The following MAU2 variants were observed in gnomAD, a reference collection of about 807,000 sequenced individuals.
MAU2 encodes MAU2 sister chromatid cohesion factor.
A neutral mutation model predicts 89.1 loss-of-function variants in MAU2; 9 were observed. The observed-to-expected ratio is 0.10, with a 90% CI of 0.06 to 0.18. The LOEUF is 0.18. Ranked by LOEUF, MAU2 falls within the 10% of genes least tolerant of loss-of-function variation. The probability of loss-of-function intolerance (pLI) is 1.00; values close to 1 mark genes in which losing one functional copy is unlikely to be tolerated. For missense variants in MAU2, 425 were observed against 803.5 expected, an observed-to-expected ratio of 0.53 and a Z score of 5.69; for synonymous variants, 357 against 343.4, an observed-to-expected ratio of 1.04 and a Z score of -0.44.
intron 1 of MAU2, among the ~76,000 whole-genome samples, chr19:19,332,569 G>A (rs1333637361): frequency 4.1e-5 from 6 of 145,236 alleles, no homozygotes; most frequent in Admixed American, 7.1e-5. Context: ...CCCAGTCAGC[G>A]CTCCTGACAC....
intron 1 of MAU2, chr19:19,328,971 C>CTTTTT (rs2061533155): frequency 2.2e-6 from 1 of 451,658 alleles, no homozygotes; most frequent in Admixed American, 2.4e-5. Context: ...AACAGGGCTG[C>CTTTTT]TTTTTAATGG....
In MAU2 at chr19:19,320,857, A is replaced by G. The variant is rs972908999; in HGVS notation, c.-3A>G. The G allele has an allele frequency of 3.3e-6, 5 of 1,522,378 alleles. No homozygotes were observed. The highest frequency in any genetic ancestry group is 1.4e-5 in the African/African-American group (1 of 69,776). The allele number at this position is 1,522,378 out of a possible 1,614,324, so 94.3% of individuals were successfully genotyped here. A position where few individuals can be genotyped will look rare whatever the true frequency, so the allele number is the denominator to read the frequency against. On this transcript the variant is annotated 5_prime_UTR_variant, in exon 1 of 19. Coordinates refer to ENST00000262815, the MANE Select transcript of MAU2 (RefSeq NM_015329.4). ...GCGGCGGCTTGTTGTTGTGGAGGCC[A>G]AAATGGCGGCTCAGGCGGCGGCAGC... is the stretch of plus-strand genomic sequence containing the variant.
chr19:19,344,793 C>A, intron 10 of MAU2, 56 bp from the exon 11 acceptor site: 1 of 1,464,234 alleles, frequency 6.8e-7, no homozygotes, highest in Non-Finnish European at 9.5e-7. Context: ...CATTGCTGCT[C>A]AGACGCCAGG....
chr19:19,342,625 C>A lies in MAU2; in HGVS notation c.826C>A (p.Pro276Thr), dbSNP rs766997937. The change falls in exon 8 of 19, where the codon CCC becomes ACC. Residue 276 changes from proline (P) to threonine (T), a missense_variant. Coordinates refer to ENST00000262815, the MANE Select transcript of MAU2 (RefSeq NM_015329.4). ...CGATGATGAGATCCTGCCCAGCAAC[C>A]CCGCTGACCTCTTCCACTGGCTGCC... ...LHDDEILPSNPADLFHWLPKE... is the reference protein window; with the variant it reads ...LHDDEILPSNTADLFHWLPKE... 1.2e-6 allele frequency: 2 copies of A among 1,613,376 alleles called. No homozygotes were observed. Among genetic ancestry groups the A allele is most frequent in the Admixed American group, 3.3e-5 (2 of 59,962 alleles).
chr19:19,347,489 T>C (rs999248783), intron 13 of MAU2, 123 bp downstream of exon 13: 1 of 718,870 alleles, frequency 1.4e-6, no homozygotes, highest in African/African-American at 1.8e-5. Flanking sequence ...TTTTGAGGGA[T>C]GGGCGGCACC....
rs368209431 is a variant in MAU2 at position 19,320,952 on chromosome 19, C to T, written c.93C>T (p.Gly31=). 6 of 1,589,108 alleles carry T rather than the reference C, an allele frequency of 3.8e-6. No homozygotes were observed. The highest frequency in any genetic ancestry group is 5.1e-6 in the Non-Finnish European group (6 of 1,168,222). The change falls in exon 1 of 19, where the codon GGC becomes GGT. Residue 31 remains glycine, a synonymous_variant. Transcript: ENST00000262815. Reference sequence around the variant, plus strand: ...ACTCGTGGTACCTGGCGCTTCTGGGCTTCGCTGAGCACTTCCGCACTTCCA... The same window carrying T: ...ACTCGTGGTACCTGGCGCTTCTGGGTTTCGCTGAGCACTTCCGCACTTCCA... ...AADSWYLALL[G]FAEHFRTSSP... is the part of the protein sequence containing the mutation.
intron 1 of MAU2, among the ~76,000 whole-genome samples, chr19:19,331,737 C>T (rs2061557204): frequency 6.6e-6 from 1 of 150,392 alleles, no homozygotes; most frequent in Non-Finnish European, 1.5e-5. Flanking sequence ...CCTTCCCTGT[C>T]TCTACAAAAA....
chr19:19,343,103 G>A (rs1037757528), intron 9 of MAU2, among the ~76,000 whole-genome samples: 3 of 152,200 alleles, frequency 2.0e-5, no homozygotes, highest in African/African-American at 7.2e-5. Context: ...GCCCAGTCAT[G>A]CTCAGTTGAA....
intron 5 of MAU2, among the ~76,000 whole-genome samples, chr19:19,340,337 A>T (rs2061632830): frequency 6.6e-6 from 1 of 150,460 alleles, no homozygotes; most frequent in Admixed American, 6.7e-5. Context: ...TAAGAAAAAA[A>T]TAATAAAAAA....
chr19:19,351,053 T>A (rs186220824), intron 16 of MAU2, among the ~76,000 whole-genome samples: 2,021 of 151,898 alleles, frequency 0.013, 22 homozygotes, highest in Non-Finnish European at 0.022. Context: ...AATTTAATTT[T>A]ATTTTTTGAG....
At position 19,355,409 on chromosome 19, in the gene MAU2, A is replaced by C. The variant is rs756261193; in HGVS notation, c.1767+18A>C. 9 of 1,613,344 alleles carry C rather than the reference A, an allele frequency of 5.6e-6. No individual in the cohort carries two copies. Among genetic ancestry groups the C allele is most frequent in the Non-Finnish European group, 7.6e-6 (9 of 1,179,854 alleles). On this transcript the variant is annotated intron_variant, in intron 18 of 18. Transcript: ENST00000262815. ...TCATCACGGTACGGGTGTGGGTGTT[A>C]GGGGACGGGATCAGGACTAGCGGGC...
chr19:19,348,160 T>G (rs909319137), intron 13 of MAU2: 5 of 152,974 alleles, frequency 3.3e-5, no homozygotes, highest in Admixed American at 3.3e-4. Context: ...AGGTCAGGAG[T>G]TCAAGACCAG....
intron 16 of MAU2, 30 bp downstream of exon 16, chr19:19,349,466 G>T (rs1435667539): frequency 6.3e-7 from 1 of 1,590,680 alleles, no homozygotes; most frequent in African/African-American, 1.3e-5. Context: ...CCCCTCGCTT[G>T]GGTGCCTGTG....
intron 16 of MAU2, 128 bp downstream of exon 16, chr19:19,349,564 T>A: frequency 1.3e-6 from 1 of 780,966 alleles, no homozygotes; most frequent in Admixed American, 2.3e-5. Flanking sequence ...CACGTCTAGG[T>A]GGATGCCCTG....
intron 1 of MAU2, among the ~76,000 whole-genome samples, chr19:19,332,139 A>G (rs2061559947): frequency 1.3e-5 from 2 of 152,150 alleles, no homozygotes; most frequent in South Asian, 2.1e-4. Flanking sequence ...CATTGCAGCC[A>G]CAACTTTAAA....
intron 9 of MAU2, among the ~76,000 whole-genome samples, chr19:19,343,310 G>C (rs1461043140): frequency 6.6e-6 from 1 of 152,198 alleles, no homozygotes; most frequent in Non-Finnish European, 1.5e-5. Flanking sequence ...TCCCTGGCTG[G>C]TATAGTGTGC....
At position 19,356,113 on chromosome 19, in the gene MAU2, A is replaced by C; in HGVS notation, c.*331A>C. On this transcript the variant is annotated 3_prime_UTR_variant, in exon 19 of 19. Coordinates refer to ENST00000262815, the MANE Select transcript of MAU2 (RefSeq NM_015329.4). ...GGGTGCAGGCCTCCAGCAGGTCCTA[A>C]TCCTGTGTGCCAGGGCAGGCAGTGC... is the stretch of plus-strand genomic sequence containing the variant. 4 of 503,210 alleles carry C rather than the reference A, an allele frequency of 7.9e-6. No homozygotes were observed. The highest frequency in any genetic ancestry group is 1.6e-5 in the Non-Finnish European group (4 of 256,072). The allele number at this position is 503,210 out of a possible 1,614,324, so 31.2% of individuals were successfully genotyped here.
chr19:19,341,528 G>C (rs2061646785), intron 7 of MAU2, 121 bp downstream of exon 7: 1 of 1,222,486 alleles, frequency 8.2e-7, no homozygotes, highest in African/African-American at 1.5e-5. Flanking sequence ...CACACAACAG[G>C]GCTGTCATAC....
In MAU2 at chr19:19,356,325, C is replaced by A. The variant is rs1278082506; in HGVS notation, c.*543C>A. 1 of 332,872 alleles carries A rather than the reference C, an allele frequency of 3.0e-6. No individual in the cohort carries two copies. Among genetic ancestry groups the A allele is most frequent in the African/African-American group, 2.2e-5 (1 of 46,298 alleles). 20.6% of individuals were successfully genotyped at this position (332,872 alleles called of 1,614,324 possible). On this transcript the variant is annotated 3_prime_UTR_variant, in exon 19 of 19. Coordinates refer to ENST00000262815, the MANE Select transcript of MAU2 (RefSeq NM_015329.4). ...CCCAGCACTTTTCCCAGCTTTCTCT[C>A]CAGCATCAGTCCCTGCAGCAGCTGG...
Sources: allele counts gnomAD v4.1 joint callset (sites outside exome capture counted in the v4.1 genomes callset), GRCh38; gene constraint gnomAD v4.1.1; transcripts MANE v1.5; gene names NCBI Gene and HGNC (gene_info 2026-07-23, HGNC 2026-07-21).